Variants in DAB1 observed in about 807,000 individuals in gnomAD.
DAB1 encodes the protein disabled homolog 1.
Under a neutral mutation model 64.6 loss-of-function variants are expected in DAB1, and 15 were observed. The ratio of observed to expected loss-of-function variants is 0.23; its 90% confidence interval spans 0.16 to 0.36. The LOEUF (loss-of-function observed/expected upper bound fraction) is 0.36. Ranked by LOEUF, DAB1 falls within the 10% of genes least tolerant of loss-of-function variation. The pLI, the probability that DAB1 is intolerant of heterozygous loss-of-function variation, is 1.00. For missense variants in DAB1, 596 were observed against 706.7 expected (o/e 0.84, Z 1.78); for synonymous variants, 235 against 251.9 (o/e 0.93, Z 0.64).
chr1:58,260,335 T>C (rs577617309), intron 4 of DAB1, among the ~76,000 whole-genome samples: 1 of 152,136 alleles, frequency 6.6e-6, no homozygotes, highest in African/African-American at 2.4e-5. Flanking sequence ...CTGGCCAGCA[T>C]AGAGGGGAAT....
chr1:57,000,684 T>A (rs1349052716), intron 14 of DAB1, among the ~76,000 whole-genome samples: 1 of 152,184 alleles, frequency 6.6e-6, no homozygotes, highest in Non-Finnish European at 1.5e-5. Context: ...GGGAAAAATA[T>A]TTCCTTTTGC....
At chr1:58,265,923 G>T (rs1377340853) in intron 4 of DAB1, among the ~76,000 whole-genome samples, 3 of 152,038 alleles carry the variant, frequency 2.0e-5, no homozygotes. Context: ...CATCCAGGAG[G>T]TACTCATCAG....
intron 6 of DAB1, among the ~76,000 whole-genome samples, chr1:57,803,116 A>G (rs866522407): frequency 6.6e-6 from 1 of 152,186 alleles, no homozygotes; most frequent in South Asian, 2.1e-4. Flanking sequence ...AAGAATGTTT[A>G]AGCTGTCTAC....
At chr1:57,379,383 C>T (rs1437594032) in intron 1 of DAB1, among the ~76,000 whole-genome samples, 1 of 152,154 alleles carries the variant, frequency 6.6e-6, no homozygotes, top group Non-Finnish European at 1.5e-5. Flanking sequence ...TGCCCAAGTC[C>T]ACCTTTCAGT....
rs550610366 is a variant in DAB1, at chr1:57,976,286, C to A, written n.388-92124G>T. Among the ~76,000 whole-genome samples, 45 of 152,320 alleles carry A rather than the reference C, an allele frequency of 3.0e-4. No individual in the cohort carries two copies. The Middle Eastern group carries it at 0.01, about 35-fold the overall frequency. On this transcript the variant is annotated intron_variant and non_coding_transcript_variant, in intron 5 of 20. Coordinates refer to the DAB1 transcript ENST00000485760. ...CAGTGCACCACTCAGCAGCCACCAC[C>A]AAACCATCTCAGTAATAACAGGTTC...
At chr1:58,057,274 C>T (rs112145493) in intron 5 of DAB1, among the ~76,000 whole-genome samples, 2 of 152,104 alleles carry the variant, frequency 1.3e-5, no homozygotes, top group African/African-American at 2.4e-5. Context: ...TTTCTACTCC[C>T]CTTGGCCACC....
intron 4 of DAB1, among the ~76,000 whole-genome samples, chr1:58,306,654 T>G (rs1381906037): frequency 6.6e-6 from 1 of 152,136 alleles, no homozygotes; most frequent in African/African-American, 2.4e-5. Flanking sequence ...CTCCACCCAA[T>G]GGGGAATGAA....
intron 4 of DAB1, among the ~76,000 whole-genome samples, chr1:57,133,730 C>A (rs1480858622): frequency 6.6e-6 from 1 of 152,052 alleles, no homozygotes; most frequent in African/African-American, 2.4e-5. Context: ...GCAAATGTTT[C>A]TTTTCTTGGT....
chr1:57,179,847 G>A (rs965876322), intron 2 of DAB1, among the ~76,000 whole-genome samples: 11 of 152,138 alleles, frequency 7.2e-5, no homozygotes, highest in African/African-American at 2.2e-4. Context: ...TGGAACAGAC[G>A]GTGGACATCA....
chr1:58,531,565 T>C lies in DAB1; in HGVS notation n.33-4230A>G, dbSNP rs193248870. On this transcript the variant is annotated intron_variant and non_coding_transcript_variant, in intron 1 of 20. Coordinates refer to the DAB1 transcript ENST00000485760. Reference sequence around the variant, plus strand: ...AAATAGCAGTCATTACTTGAATGTATGAAAAATGACTGAAAACTAAAAACT... The same window carrying C: ...AAATAGCAGTCATTACTTGAATGTACGAAAAATGACTGAAAACTAAAAACT... 2.4e-4 allele frequency among the ~76,000 whole-genome samples: 36 copies of C among 152,308 alleles called. No homozygotes were observed. In the East Asian group the frequency reaches 6.4e-3, roughly 27 times the overall value.
intron 4 of DAB1, among the ~76,000 whole-genome samples, chr1:57,133,414 C>A (rs1657800520): frequency 6.6e-6 from 1 of 152,146 alleles, no homozygotes; most frequent in Non-Finnish European, 1.5e-5. Context: ...ACTCACAGAA[C>A]CTCACTGCCC....
intron 4 of DAB1, among the ~76,000 whole-genome samples, chr1:57,109,196 C>T (rs1424200645): frequency 2.0e-5 from 3 of 152,220 alleles, no homozygotes; most frequent in Non-Finnish European, 2.9e-5. Flanking sequence ...AAGCCCCAGA[C>T]CTCTCATTCT....
chr1:58,476,233 T>C (rs1360700110), intron 3 of DAB1, among the ~76,000 whole-genome samples: 1 of 152,164 alleles, frequency 6.6e-6, no homozygotes, highest in Non-Finnish European at 1.5e-5. Flanking sequence ...ATAATTTTTT[T>C]TTTCTTTTGG....
chr1:58,007,588 G>T (rs1192126454), intron 5 of DAB1, among the ~76,000 whole-genome samples: 1 of 152,158 alleles, frequency 6.6e-6, no homozygotes, highest in Non-Finnish European at 1.5e-5. Flanking sequence ...AATCATGTTT[G>T]GCATCATCCT....
At chr1:57,326,331 CAA>C (rs999008693) in intron 1 of DAB1, among the ~76,000 whole-genome samples, 1 of 152,168 alleles carries the variant, frequency 6.6e-6, no homozygotes, top group Non-Finnish European at 1.5e-5. Context: ...CAGCAGGAAG[CAA>C]AAGAGGGCAA....
chr1:57,373,415 C>CGT (rs1319148039), intron 1 of DAB1, among the ~76,000 whole-genome samples: 3 of 152,036 alleles, frequency 2.0e-5, no homozygotes, highest in Non-Finnish European at 4.4e-5. Flanking sequence ...TGTGTGTGCA[C>CGT]GTGTGTGTGT....
intron 5 of DAB1, among the ~76,000 whole-genome samples, chr1:58,084,208 G>A (rs571002138): frequency 2.6e-5 from 4 of 152,192 alleles, no homozygotes; most frequent in Non-Finnish European, 5.9e-5. Flanking sequence ...ATTGCTGTGA[G>A]GATCAAATGA....
At chr1:58,042,528 G>T (rs919217667) in intron 5 of DAB1, among the ~76,000 whole-genome samples, 2 of 152,138 alleles carry the variant, frequency 1.3e-5, no homozygotes, top group Admixed American at 1.3e-4. Context: ...CATACTGAGC[G>T]ATAGTTCCAT....
chr1:58,191,505 A>G (rs1405375026), intron 4 of DAB1, among the ~76,000 whole-genome samples: 1 of 152,194 alleles, frequency 6.6e-6, no homozygotes, highest in Non-Finnish European at 1.5e-5. Context: ...CCTGAGTGCA[A>G]GCTGAGGCCG....
Sources: allele counts gnomAD v4.1 joint callset (sites outside exome capture counted in the v4.1 genomes callset), GRCh38; gene constraint gnomAD v4.1.1; transcripts MANE v1.5; gene names NCBI Gene and HGNC (gene_info 2026-07-23, HGNC 2026-07-21).